RIC1: variants seen among roughly 807,000 people sequenced by gnomAD.
RIC1 encodes guanine nucleotide exchange factor subunit RIC1.
Under a neutral mutation model 169.0 loss-of-function variants are expected in RIC1, and 88 were observed. The observed-to-expected ratio is 0.52, with a 90% CI of 0.44 to 0.62. The LOEUF is 0.62. Among genes scored for constraint, RIC1 ranks in the 20% least tolerant of loss-of-function variants. The probability of loss-of-function intolerance (pLI) is 0.00; values close to 1 mark genes in which losing one functional copy is unlikely to be tolerated. For synonymous variants in RIC1, 790 were observed against 601.5 expected (o/e 1.31, Z -4.59); for missense variants, 1,877 against 1,725.5 (o/e 1.09, Z -1.56).
intron 3 of RIC1, among the ~76,000 whole-genome samples, chr9:5,696,225 C>T (rs1267373179): frequency 6.6e-6 from 1 of 152,040 alleles, no homozygotes; most frequent in African/African-American, 2.4e-5. Flanking sequence ...CTTTCACCTA[C>T]ATAATGAAGT....
chr9:5,686,693 G>A (rs1358690915), intron 2 of RIC1, among the ~76,000 whole-genome samples: 2 of 151,336 alleles, frequency 1.3e-5, no homozygotes, highest in Non-Finnish European at 2.9e-5. Flanking sequence ...CGAGTTAGTG[G>A]GTGCAGCGCA....
intron 1 of RIC1, among the ~76,000 whole-genome samples, chr9:5,639,890 C>T (rs1240577495): frequency 2.0e-5 from 3 of 152,134 alleles, no homozygotes; most frequent in Non-Finnish European, 4.4e-5. Context: ...TATATAATTA[C>T]TCCTGCTCTT....
rs570498759 is a variant in RIC1, at chr9:5,756,538, T to TA, written c.1853+176dup. Among the ~76,000 whole-genome samples, 712 of 148,022 alleles carry TA rather than the reference T, an allele frequency of 4.8e-3. 2 individuals are homozygous for TA. Among genetic ancestry groups the TA allele is most frequent in the Middle Eastern group, 0.017 (5 of 286 alleles). On this transcript the variant is annotated intron_variant, in intron 16 of 25. Coordinates refer to ENST00000414202, the MANE Select transcript of RIC1 (RefSeq NM_020829.4). ...TAATTAGTGATATTGATATAATAGC[T>TA]AAAAAAAAAAGAAATATCGTACACT...
intron 10 of RIC1, among the ~76,000 whole-genome samples, chr9:5,745,427 C>A (rs1337883630): frequency 6.6e-6 from 1 of 152,070 alleles, no homozygotes; most frequent in African/African-American, 2.4e-5. Flanking sequence ...TCCCGAGAAA[C>A]GAGACAGCTT....
At chr9:5,768,779 G>C (rs1016482906) in intron 21 of RIC1, among the ~76,000 whole-genome samples, 191 bp from the exon 22 acceptor site, 12 of 152,086 alleles carry the variant, frequency 7.9e-5, no homozygotes, top group Non-Finnish European at 1.2e-4. Context: ...TGTGTCTTAA[G>C]AGCCTTCTGT....
At chr9:5,741,507 C>G (rs1174576366) in intron 8 of RIC1, among the ~76,000 whole-genome samples, 1 of 152,052 alleles carries the variant, frequency 6.6e-6, no homozygotes, top group African/African-American at 2.4e-5. Flanking sequence ...TTTTGTTTCT[C>G]TAGACTGCAT....
At chr9:5,769,590 C>G in intron 22 of RIC1, 1 of 634,042 alleles carries the variant, frequency 1.6e-6, no homozygotes, top group Non-Finnish European at 2.4e-6. Context: ...AGACATGGAC[C>G]TCAAAGTAAG....
intron 6 of RIC1, among the ~76,000 whole-genome samples, chr9:5,729,211 T>A (rs961927129): frequency 2.6e-5 from 4 of 152,192 alleles, no homozygotes; most frequent in Non-Finnish European, 4.4e-5. Context: ...CATAGGCCTC[T>A]GGTGGAGGTG....
chr9:5,728,623 T>A (rs1400003693), intron 6 of RIC1, among the ~76,000 whole-genome samples: 1 of 152,220 alleles, frequency 6.6e-6, no homozygotes, highest in Non-Finnish European at 1.5e-5. Flanking sequence ...GCATCACTCA[T>A]GCTGGGAGCT....
At chr9:5,747,564 C>T in intron 12 of RIC1, 59 bp downstream of exon 12, 1 of 1,399,720 alleles carries the variant, frequency 7.1e-7, no homozygotes, top group Non-Finnish European at 1.0e-6. Context: ...TCACCTGGAA[C>T]AGATTATTAA....
intron 11 of RIC1, among the ~76,000 whole-genome samples, chr9:5,746,716 G>A (rs529758404): frequency 6.6e-5 from 10 of 151,950 alleles, no homozygotes; most frequent in South Asian, 2.1e-4. Flanking sequence ...ATTATATATC[G>A]CTAATATACA....
chr9:5,673,023 C>T (rs1820201793), intron 2 of RIC1, among the ~76,000 whole-genome samples: 1 of 151,946 alleles, frequency 6.6e-6, no homozygotes, highest in South Asian at 2.1e-4. Context: ...AAGGGAATGC[C>T]TTGGTATTGG....
intron 22 of RIC1, 27 bp downstream of exon 22, chr9:5,769,283 C>A (rs919212035): frequency 1.9e-6 from 3 of 1,613,808 alleles, no homozygotes; most frequent in Non-Finnish European, 2.5e-6. Flanking sequence ...GTCACTTGTA[C>A]AAGGAGAATT....
At chr9:5,694,880 T>G (rs1821798709) in intron 3 of RIC1, among the ~76,000 whole-genome samples, 1 of 151,828 alleles carries the variant, frequency 6.6e-6, no homozygotes, top group Non-Finnish European at 1.5e-5. Flanking sequence ...TTTTCATCCA[T>G]CTGTCTATCC....
chr9:5,735,509 T>C (rs1824644916), intron 7 of RIC1, among the ~76,000 whole-genome samples: 1 of 152,192 alleles, frequency 6.6e-6, no homozygotes, highest in South Asian at 2.1e-4. Flanking sequence ...TCTTGGCCTA[T>C]AGCTTTTCAG....
rs1265738404 is a variant in RIC1, at chr9:5,629,179, G to A, written c.-131G>A. On this transcript the variant is annotated 5_prime_UTR_variant, in exon 1 of 26. Transcript: ENST00000414202. ...GTCGGCCCGGCCCGGCCAGGCCAGC[G>A]GGCAGATGCCCCGAGCTGCCGCCGC... The A allele has an allele frequency of 1.1e-6, 1 of 902,490 alleles. No individual in the cohort carries two copies. The highest frequency in any genetic ancestry group is 3.5e-5 in the South Asian group (1 of 28,826). The allele number at this position is 902,490 out of a possible 1,614,324, so 55.9% of individuals were successfully genotyped here. A position where few individuals can be genotyped will look rare whatever the true frequency, so the allele number is the denominator to read the frequency against.
Position 5,720,211 on chromosome 9 carries a change from T to A in RIC1, c.470T>A (p.Val157Asp), listed in dbSNP as rs1357228187. The A allele has an allele frequency of 6.2e-7, 1 of 1,612,698 alleles. No individual in the cohort carries two copies. Among genetic ancestry groups the A allele is most frequent in the Non-Finnish European group, 8.5e-7 (1 of 1,178,828 alleles). The change falls in exon 5 of 26, where the codon GTT (valine) becomes GAT (aspartate). Residue 157 changes from valine (V) to aspartate (D), a missense_variant. Physicochemically the swap from Val to Asp is radical, Grantham distance 152. This residue lies in a region of RIC1 where 1,104 missense variants were observed against 992.0 expected (regional missense o/e 1.11). Transcript: ENST00000414202. ...SLQSVLEDLL[V>D]ATSDGLLHLI... ...CAGTCTGTGTTGGAAGATCTCCTGG[T>A]TGCTACTTCTGATGGACTTCTTCAT...
intron 22 of RIC1, 199 bp downstream of exon 22, chr9:5,769,455 G>A: frequency 1.4e-6 from 2 of 1,477,532 alleles, no homozygotes; most frequent in Non-Finnish European, 1.8e-6. Flanking sequence ...ATGTCTCTAA[G>A]TCTTGTGACC....
At chr9:5,725,001 T>C (rs1823870151) in intron 6 of RIC1, among the ~76,000 whole-genome samples, 1 of 152,202 alleles carries the variant, frequency 6.6e-6, no homozygotes, top group African/African-American at 2.4e-5. Flanking sequence ...TCATAAGGGA[T>C]ATTGGTCTAA....
Sources: gnomAD v4.1 joint callset for allele counts (sites outside exome capture counted in the v4.1 genomes callset) on GRCh38, gnomAD v4.1.1 for gene constraint, gnomAD v4.1.1 regional missense constraint, MANE v1.5 for transcripts, NCBI Gene and HGNC (gene_info 2026-07-23, HGNC 2026-07-21) for gene names.